Variants in ZDHHC17 observed in about 807,000 individuals in gnomAD.
The protein encoded by ZDHHC17 is zDHHC palmitoyltransferase 17, also known as palmitoyltransferase ZDHHC17.
Under a neutral mutation model 90.3 loss-of-function variants are expected in ZDHHC17, and 40 were observed. The observed-to-expected ratio is 0.44, with a 90% CI of 0.34 to 0.58. The LOEUF (loss-of-function observed/expected upper bound fraction) is 0.58, where lower values mean the gene tolerates loss of function less well. ZDHHC17 is among the 20% of genes least tolerant of loss of function. The pLI is 0.01. For synonymous variants in ZDHHC17, 235 were observed against 252.4 expected, an observed-to-expected ratio of 0.93 and a Z score of 0.65; for missense variants, 614 against 780.8, an observed-to-expected ratio of 0.79 and a Z score of 2.55.
At chr12:76,779,443 A>T (rs1187665564) in intron 1 of ZDHHC17, among the ~76,000 whole-genome samples, 1 of 152,274 alleles carries the variant, frequency 6.6e-6, no homozygotes, top group Middle Eastern at 3.4e-3. Context: ...TAGGCAAGAA[A>T]GTGTGTGCAG....
intron 10 of ZDHHC17, among the ~76,000 whole-genome samples, chr12:76,831,994 G>A (rs1322764930): frequency 6.6e-6 from 1 of 152,158 alleles, no homozygotes; most frequent in African/African-American, 2.4e-5. Flanking sequence ...CATGGAATAT[G>A]TGATGAAATC....
intron 7 of ZDHHC17, among the ~76,000 whole-genome samples, chr12:76,817,427 A>G (rs1953102793): frequency 6.7e-6 from 1 of 149,750 alleles, no homozygotes; most frequent in Non-Finnish European, 1.5e-5. Flanking sequence ...AGTATTATTG[A>G]AAAAACAGGA....
intron 1 of ZDHHC17, among the ~76,000 whole-genome samples, chr12:76,767,977 A>G (rs776236555): frequency 2.9e-4 from 44 of 152,026 alleles, no homozygotes; most frequent in Non-Finnish European, 2.2e-4. Context: ...TACTGTTATC[A>G]TGGTCAAAGT....
chr12:76,797,941 CCA>C (rs60610921), intron 2 of ZDHHC17, among the ~76,000 whole-genome samples: 39,897 of 147,264 alleles, frequency 0.27, 5,288 homozygotes, highest in South Asian at 0.32. Context: ...TGAAACTCTG[CCA>C]CACACACACA....
chr12:76,845,843 G>A, intron 13 of ZDHHC17, 41 bp downstream of exon 13: 1 of 1,087,170 alleles, frequency 9.2e-7, no homozygotes, highest in Non-Finnish European at 1.4e-6. Flanking sequence ...ATTCATTTAA[G>A]TTACTTTAGG....
chr12:76,768,585 T>G (rs1184124378), intron 1 of ZDHHC17, among the ~76,000 whole-genome samples: 1 of 152,216 alleles, frequency 6.6e-6, no homozygotes, highest in African/African-American at 2.4e-5. Flanking sequence ...GTAATGTAGC[T>G]TGTAAGTGGT....
At chr12:76,850,400 C>T (rs1953549758) in intron 16 of ZDHHC17, among the ~76,000 whole-genome samples, 1 of 151,898 alleles carries the variant, frequency 6.6e-6, no homozygotes, top group African/African-American at 2.4e-5. Flanking sequence ...TGCCAAAGAG[C>T]CACTAATTAA....
At chr12:76,837,991 T>G (rs1953389068) in intron 10 of ZDHHC17, among the ~76,000 whole-genome samples, 1 of 152,116 alleles carries the variant, frequency 6.6e-6, no homozygotes, top group African/African-American at 2.4e-5. Flanking sequence ...CTTTTTTCCC[T>G]CATTTACTGA....
chr12:76,820,900 AG>A (rs1953156764), intron 7 of ZDHHC17, among the ~76,000 whole-genome samples: 2 of 152,206 alleles, frequency 1.3e-5, no homozygotes, highest in East Asian at 3.9e-4. Context: ...GTGATCAAAT[AG>A]ATATAGACTT....
At chr12:76,821,383 GTTTTA>G (rs1374682186) in intron 7 of ZDHHC17, among the ~76,000 whole-genome samples, 1 of 151,960 alleles carries the variant, frequency 6.6e-6, no homozygotes, top group Non-Finnish European at 1.5e-5. Context: ...GCAGTGGTGT[GTTTTA>G]TTTTGTTGTT....
chr12:76,817,207 A>C (rs182965165), intron 7 of ZDHHC17, among the ~76,000 whole-genome samples: 11 of 152,184 alleles, frequency 7.2e-5, no homozygotes, highest in Admixed American at 4.6e-4. Context: ...AGTTTATAAC[A>C]CTGGAATGAG....
rs938390999 is a variant in ZDHHC17 at position 76,848,472 on chromosome 12, C to G, written c.1665+82C>G. 3.0e-6 allele frequency: 4 copies of G among 1,350,574 alleles called. No homozygotes were observed. In the Admixed American group the frequency reaches 9.0e-5, roughly 30 times the overall value. The allele number at this position is 1,350,574 out of a possible 1,614,324, so 83.7% of individuals were successfully genotyped here. A position where few individuals can be genotyped will look rare whatever the true frequency, so the allele number is the denominator to read the frequency against. On this transcript the variant is annotated intron_variant, in intron 15 of 16. Transcript: ENST00000426126. ...TAAAAGATAATAATATATTCTCTTC[C>G]TAACCACTCCTGCTCTTCAAATATT...
chr12:76,820,459 A>G (rs997197569), intron 7 of ZDHHC17, among the ~76,000 whole-genome samples: 1 of 152,178 alleles, frequency 6.6e-6, no homozygotes, highest in Admixed American at 6.6e-5. Flanking sequence ...ATAAATTTAG[A>G]TGAATTGAGT....
intron 1 of ZDHHC17, among the ~76,000 whole-genome samples, chr12:76,782,215 TG>T (rs750077232): frequency 1.3e-5 from 2 of 152,168 alleles, no homozygotes; most frequent in African/African-American, 4.8e-5. Flanking sequence ...TCTGAGAGAT[TG>T]GGGGACTTTT....
At chr12:76,794,077 G>A (rs1263289478) in intron 1 of ZDHHC17, among the ~76,000 whole-genome samples, 1 of 151,922 alleles carries the variant, frequency 6.6e-6, no homozygotes, top group Non-Finnish European at 1.5e-5. Context: ...AGTAGAGACG[G>A]GGTTTCACTG....
chr12:76,773,017 C>T (rs1952514556), intron 1 of ZDHHC17, among the ~76,000 whole-genome samples: 1 of 152,084 alleles, frequency 6.6e-6, no homozygotes, highest in South Asian at 2.1e-4. Flanking sequence ...CCACCACGCC[C>T]TGCTCATTTT....
intron 8 of ZDHHC17, among the ~76,000 whole-genome samples, chr12:76,823,617 G>A (rs1953192548): frequency 6.6e-6 from 1 of 152,162 alleles, no homozygotes; most frequent in Non-Finnish European, 1.5e-5. Flanking sequence ...TGTTTAGGCT[G>A]TTCTAGTGGC....
At chr12:76,792,131 A>G (rs1952766039) in intron 1 of ZDHHC17, among the ~76,000 whole-genome samples, 1 of 152,140 alleles carries the variant, frequency 6.6e-6, no homozygotes. Flanking sequence ...TCACTTGGTC[A>G]TTCTAGTCAC....
At chr12:76,846,179 G>GTTT in intron 13 of ZDHHC17, 1 of 228,322 alleles carries the variant, frequency 4.4e-6, no homozygotes, top group Non-Finnish European at 8.6e-6. Context: ...TCTAAGGAGA[G>GTTT]AAACTACATG....
Sources: gnomAD v4.1 joint callset for allele counts (sites outside exome capture counted in the v4.1 genomes callset) on GRCh38, gnomAD v4.1.1 for gene constraint, MANE v1.5 for transcripts, NCBI Gene and HGNC (gene_info 2026-07-23, HGNC 2026-07-21) for gene names.